NFIA: variants seen among roughly 807,000 people sequenced by gnomAD.
The protein encoded by NFIA is nuclear factor I A, also known as nuclear factor 1 A-type.
Under a neutral mutation model 62.8 loss-of-function variants are expected in NFIA, and 8 were observed. That is an observed-to-expected ratio of 0.13 (90% CI 0.07 to 0.23). The LOEUF is 0.23. Among genes scored for constraint, NFIA ranks in the 10% least tolerant of loss-of-function variants. The probability of loss-of-function intolerance (pLI) is 1.00; values close to 1 mark genes in which losing one functional copy is unlikely to be tolerated. For missense variants in NFIA, 410 were observed against 642.1 expected, an observed-to-expected ratio of 0.64 and a Z score of 3.91; for synonymous variants, 235 against 238.1, an observed-to-expected ratio of 0.99 and a Z score of 0.12.
chr1:61,248,848 G>T (rs1011321625), intron 2 of NFIA: 1 of 152,182 alleles, frequency 6.6e-6, no homozygotes, highest in Non-Finnish European at 1.5e-5. Context: ...AATGCTCATG[G>T]AGAAATAGCA....
chr1:61,437,750 TTTGAAGGAGACAGATATAC>T, intron 10 of NFIA, among the ~76,000 whole-genome samples: 1 of 152,200 alleles, frequency 6.6e-6, no homozygotes, highest in South Asian at 2.1e-4. Context: ...CATGAGTGGT[TTTGAAGGAGACAGATATAC>T]TTGGTGGGGA....
intron 7 of NFIA, among the ~76,000 whole-genome samples, chr1:61,398,918 A>G (rs1414892110): frequency 6.6e-6 from 1 of 152,246 alleles, no homozygotes; most frequent in Non-Finnish European, 1.5e-5. Context: ...AGCAAGATAC[A>G]TAGTAGTTGA....
intron 2 of NFIA, among the ~76,000 whole-genome samples, chr1:61,225,438 A>T (rs1246939520): frequency 2.0e-5 from 3 of 151,658 alleles, no homozygotes; most frequent in Admixed American, 6.6e-5. Flanking sequence ...TTTAGTAGAG[A>T]CGGGGTTTCA....
chr1:61,111,210 A>AT (rs1646688801), intron 2 of NFIA, among the ~76,000 whole-genome samples: 1 of 151,884 alleles, frequency 6.6e-6, no homozygotes, highest in Admixed American at 6.6e-5. Flanking sequence ...GAATTTTCTT[A>AT]TTTTTTCCTG....
intron 2 of NFIA, among the ~76,000 whole-genome samples, chr1:61,225,876 A>G (rs1000896871): frequency 1.2e-4 from 18 of 152,300 alleles, no homozygotes; most frequent in African/African-American, 4.1e-4. Context: ...CGAGTAGACT[A>G]TAATAATTCC....
intron 2 of NFIA, among the ~76,000 whole-genome samples, chr1:61,191,837 CT>C (rs34031314): frequency 0.15 from 22,453 of 152,196 alleles, 1,844 homozygotes; most frequent in East Asian, 0.22. Context: ...CTAAGTAACT[CT>C]TAACAGTCTT....
intron 7 of NFIA, among the ~76,000 whole-genome samples, chr1:61,389,531 G>C (rs1369192669): frequency 6.6e-6 from 1 of 152,098 alleles, no homozygotes; most frequent in Admixed American, 6.5e-5. Flanking sequence ...TGAGAAATCT[G>C]AGCTAGCCAG....
chr1:61,077,695 AATG>A, upstream of NFIA: 2 of 1,285,054 alleles, frequency 1.6e-6, no homozygotes, highest in African/African-American at 3.0e-5. Flanking sequence ...ACAATGGTAG[AATG>A]ATTTTGTTTA....
intron 2 of NFIA, among the ~76,000 whole-genome samples, chr1:61,216,237 T>A (rs138675376): frequency 6.6e-5 from 10 of 152,348 alleles, no homozygotes; most frequent in Admixed American, 3.9e-4. Context: ...CGTCCAGTGC[T>A]ATCATCATAT....
chr1:61,105,601 G>A (rs1646582235), intron 2 of NFIA, among the ~76,000 whole-genome samples: 1 of 151,912 alleles, frequency 6.6e-6, no homozygotes, highest in African/African-American at 2.4e-5. Context: ...ATTTAGATGG[G>A]AACATCTTGG....
intron 3 of NFIA, among the ~76,000 whole-genome samples, chr1:61,328,935 C>T (rs1661120218): frequency 6.6e-6 from 1 of 151,250 alleles, no homozygotes; most frequent in Non-Finnish European, 1.5e-5. Flanking sequence ...GTTGGCCAGG[C>T]TGGTCTTGAA....
At chr1:61,259,441 T>A (rs573011010) in intron 2 of NFIA, among the ~76,000 whole-genome samples, 16 of 152,316 alleles carry the variant, frequency 1.1e-4, no homozygotes, top group African/African-American at 3.8e-4. Flanking sequence ...AAGTACGAGC[T>A]GTGTGCCCTC....
At chr1:61,154,503 T>C (rs1005669363) in intron 2 of NFIA, among the ~76,000 whole-genome samples, 1 of 152,108 alleles carries the variant, frequency 6.6e-6, no homozygotes, top group African/African-American at 2.4e-5. Flanking sequence ...CAGACTGGAG[T>C]GCAGTGACAC....
At chr1:61,324,459 A>G (rs1660828781) in intron 3 of NFIA, among the ~76,000 whole-genome samples, 2 of 152,256 alleles carry the variant, frequency 1.3e-5, no homozygotes. Context: ...TCCCTTAACC[A>G]GACGAGATTT....
chr1:61,092,422 C>T (rs1646335908), intron 2 of NFIA, among the ~76,000 whole-genome samples: 1 of 152,180 alleles, frequency 6.6e-6, no homozygotes, highest in African/African-American at 2.4e-5. Flanking sequence ...GCAGTAGTTA[C>T]TGATTGCTTC....
intron 3 of NFIA, among the ~76,000 whole-genome samples, chr1:61,306,766 A>T (rs1266246744): frequency 6.6e-6 from 1 of 152,194 alleles, no homozygotes; most frequent in Admixed American, 6.5e-5. Flanking sequence ...AGTGGTCCAC[A>T]TACTGGCCTT....
chr1:61,080,025 G>A (rs1316346086), upstream of NFIA, among the ~76,000 whole-genome samples: 1 of 151,582 alleles, frequency 6.6e-6, no homozygotes, highest in African/African-American at 2.4e-5. Context: ...CCCTCCCTCC[G>A]CGGGGGAGGG....
At chr1:61,286,427 C>CA (rs59486053) in intron 3 of NFIA, among the ~76,000 whole-genome samples, 54,443 of 108,026 alleles carry the variant, frequency 0.5, 11,865 homozygotes, top group Middle Eastern at 0.58. Context: ...GACTCTGTCT[C>CA]AAAAAAAAAA....
intron 2 of NFIA, among the ~76,000 whole-genome samples, chr1:61,200,236 C>T (rs1652378281): frequency 6.6e-6 from 1 of 151,156 alleles, no homozygotes; most frequent in East Asian, 2.0e-4. Context: ...CTTTGACTAG[C>T]GTCATGATCT....
Sources: gnomAD v4.1 joint callset for allele counts (sites outside exome capture counted in the v4.1 genomes callset) on GRCh38, gnomAD v4.1.1 for gene constraint, MANE v1.5 for transcripts, NCBI Gene and HGNC (gene_info 2026-07-23, HGNC 2026-07-21) for gene names.